Variants in NUP98 observed in about 807,000 individuals in gnomAD.
NUP98 encodes the protein nucleoporin 98 and 96 precursor, also known as nuclear pore complex protein Nup98-Nup96.
In NUP98, 26 loss-of-function variants were observed where a neutral mutation model predicts 191.9. The observed-to-expected ratio is 0.14, with a 90% confidence interval of 0.10 to 0.19. The LOEUF is 0.19. Among genes scored for constraint, NUP98 ranks in the 10% least tolerant of loss-of-function variants. The pLI is 1.00. For synonymous variants in NUP98, 808 were observed against 778.4 expected, an observed-to-expected ratio of 1.04 and a Z score of -0.63; for missense variants, 1,941 against 2,178.8, an observed-to-expected ratio of 0.89 and a Z score of 2.17.
Position 3,744,619 on chromosome 11 carries a change from CCAAA to C in NUP98, c.1294_1297del (p.Phe432GlyfsTer37). The C allele has an allele frequency of 6.2e-7, 1 of 1,612,964 alleles. No homozygotes were observed. The highest frequency in any genetic ancestry group is 8.5e-7 in the Non-Finnish European group (1 of 1,179,298). On this transcript the variant is annotated frameshift_variant, in exon 12 of 33. Coordinates refer to ENST00000324932, the MANE Select transcript of NUP98 (RefSeq NM_016320.5). LOFTEE classifies it high-confidence loss of function. ...CCCTCCAATCTTAGGTTGGTTGTTC[CCAAA>C]CAAAGATGCCTGTCCAGCACCAAGA... is the stretch of plus-strand genomic sequence containing the variant.
intron 7 of NUP98, among the ~76,000 whole-genome samples, chr11:3,769,317 T>C (rs1210504170): frequency 1.3e-5 from 2 of 152,040 alleles, no homozygotes; most frequent in Admixed American, 6.6e-5. Flanking sequence ...TCTTAGCTAC[T>C]TGGGAGACCG....
At position 3,676,860 on chromosome 11, in the gene NUP98, C is replaced by T. The variant is rs113120996; in HGVS notation, c.5074-240G>A. Reference sequence around the variant, plus strand: ...TGGACTAGGAAAAGTCTTGAGATCCCGAACTATACAGCAAGCTTTAATAAC... The same window carrying T: ...TGGACTAGGAAAAGTCTTGAGATCCTGAACTATACAGCAAGCTTTAATAAC... On this transcript the variant is annotated intron_variant, in intron 31 of 32. Coordinates refer to ENST00000324932, the MANE Select transcript of NUP98 (RefSeq NM_016320.5). 570 of 602,626 alleles carry T rather than the reference C, an allele frequency of 9.5e-4. 2 individuals carry two copies. The highest frequency in any genetic ancestry group is 9.3e-3 in the African/African-American group (507 of 54,454). The allele number at this position is 602,626 out of a possible 1,614,324, so 37.3% of individuals were successfully genotyped here. A position where few individuals can be genotyped will look rare whatever the true frequency, so the allele number is the denominator to read the frequency against.
At chr11:3,751,621 G>T (rs562884640) in intron 11 of NUP98, among the ~76,000 whole-genome samples, 1 of 152,130 alleles carries the variant, frequency 6.6e-6, no homozygotes, top group South Asian at 2.1e-4. Flanking sequence ...CACTTTAAGA[G>T]CTCAAGGCAG....
chr11:3,729,715 CAAAAAAAA>C (rs755816362), intron 14 of NUP98, among the ~76,000 whole-genome samples: 16 of 37,410 alleles, frequency 4.3e-4, no homozygotes, highest in Non-Finnish European at 7.0e-4. Flanking sequence ...ACTCTTGCCT[CAAAAAAAA>C]AAAAAAAAAA....
At chr11:3,769,879 T>C (rs2081467877) in intron 7 of NUP98, among the ~76,000 whole-genome samples, 1 of 151,612 alleles carries the variant, frequency 6.6e-6, no homozygotes, top group Admixed American at 6.6e-5. Context: ...CCATCTGTAC[T>C]AAAAATACAA....
At chr11:3,691,029 G>A (rs946144083) in intron 28 of NUP98, among the ~76,000 whole-genome samples, 5 of 152,112 alleles carry the variant, frequency 3.3e-5, no homozygotes, top group African/African-American at 9.7e-5. Context: ...TTGCAAAGGG[G>A]CACACAGGCA....
chr11:3,699,395 C>G (rs368354147), intron 24 of NUP98, 47 bp from the exon 25 acceptor site: 2 of 1,599,178 alleles, frequency 1.3e-6, no homozygotes, highest in Non-Finnish European at 1.7e-6. Flanking sequence ...AGTCTTACAA[C>G]AACTTCACAG....
chr11:3,752,188 A>G (rs1199223722), intron 11 of NUP98, among the ~76,000 whole-genome samples: 1 of 151,512 alleles, frequency 6.6e-6, no homozygotes, highest in African/African-American at 2.4e-5. Flanking sequence ...TAAAAACCAC[A>G]AAAGCAGATC....
chr11:3,703,028 C>G, intron 22 of NUP98, 136 bp from the exon 23 acceptor site: 2 of 712,910 alleles, frequency 2.8e-6, no homozygotes, highest in Non-Finnish European at 4.5e-6. Context: ...TGTGGATGAC[C>G]AGAAGCAGGC....
At position 3,787,058 on chromosome 11, in the gene NUP98, C is replaced by A. The variant is rs117908908; in HGVS notation, c.-28-4913G>T. ...CTCTCATCTAACCTTCACAAAAATA[C>A]TAGAAGAGCCAGGGATTATCACACA... is the stretch of plus-strand genomic sequence containing the variant. On this transcript the variant is annotated intron_variant, in intron 1 of 32. Coordinates refer to ENST00000324932, the MANE Select transcript of NUP98 (RefSeq NM_016320.5). 8.2e-3 allele frequency among the ~76,000 whole-genome samples: 1,241 copies of A among 152,252 alleles called. 14 individuals carry two copies. The highest frequency in any genetic ancestry group is 0.011 in the Non-Finnish European group (750 of 68,020).
In NUP98 at chr11:3,771,751, T is replaced by C; in HGVS notation, c.781A>G (p.Thr261Ala). 6.2e-7 allele frequency: 1 copy of C among 1,613,988 alleles called. No homozygotes were observed. The highest frequency in any genetic ancestry group is 1.1e-5 in the South Asian group (1 of 91,068). The stretch of plus-strand genomic sequence containing the variant: ...TAACATGATATCAAGTGCTTACTAG[T>C]TCCAAAGGCAGTTTTGTTCTGACCA... ...AYGQNKTAFG[T>A]STTGFGTNPG... is the part of the protein sequence containing the mutation. Residue 261 changes from threonine to alanine, a missense_variant, in exon 7 of 33, where the codon ACT (threonine) becomes GCT (alanine). This residue lies in a region of NUP98 where 181 missense variants were observed against 228.0 expected (regional missense o/e 0.79). Transcript: ENST00000324932.
rs746581454 is a variant in NUP98, at chr11:3,695,430, T to C, written c.4167+19A>G. ...ATGAAAAAACCAATGTGAGATATTA[T>C]GGTAAAAGTAGAAGATACCGGTTTT... On this transcript the variant is annotated intron_variant, in intron 26 of 32. Transcript: ENST00000324932. 5 of 1,510,750 alleles carry C rather than the reference T, an allele frequency of 3.3e-6. No homozygotes were observed. In the South Asian group the frequency reaches 3.9e-5, roughly 12 times the overall value. 93.6% of individuals were successfully genotyped at this position (1,510,750 alleles called of 1,614,324 possible). A position where few individuals can be genotyped will look rare whatever the true frequency, so the allele number is the denominator to read the frequency against.
chr11:3,756,562 A>G (rs542506677), intron 10 of NUP98, among the ~76,000 whole-genome samples: 1 of 152,002 alleles, frequency 6.6e-6, no homozygotes, highest in Non-Finnish European at 1.5e-5. Flanking sequence ...AGCTGGGATT[A>G]CAGGCATGCA....
intron 1 of NUP98, among the ~76,000 whole-genome samples, chr11:3,789,120 A>T (rs1375747002): frequency 3.3e-5 from 5 of 152,354 alleles, no homozygotes; most frequent in African/African-American, 1.2e-4. Context: ...TAGGGATTGT[A>T]CAGCCTACAC....
chr11:3,768,741 G>A lies in NUP98; in HGVS notation c.788C>T (p.Thr263Ile). ...GQNKTAFGTS[T>I]TGFGTNPGGL... Reference sequence around the variant, plus strand: ...ACCTGGATTTGTTCCAAATCCAGTTGTACCTTTTAGGAAAAAGAAAAAAAA... The same window carrying A: ...ACCTGGATTTGTTCCAAATCCAGTTATACCTTTTAGGAAAAAGAAAAAAAA... Residue 263 changes from threonine to isoleucine, a missense_variant, in exon 8 of 33, where the codon ACA becomes ATA. Coordinates refer to ENST00000324932, the MANE Select transcript of NUP98 (RefSeq NM_016320.5). The A allele has an allele frequency of 6.5e-7, 1 of 1,533,980 alleles. No individual in the cohort carries two copies. The highest frequency in any genetic ancestry group is 8.7e-7 in the Non-Finnish European group (1 of 1,143,282).
intron 12 of NUP98, among the ~76,000 whole-genome samples, chr11:3,739,622 A>G (rs1038113568): frequency 2.0e-5 from 3 of 152,160 alleles, no homozygotes; most frequent in African/African-American, 7.2e-5. Flanking sequence ...CGCTCTCTCC[A>G]AGACCTTATT....
At chr11:3,748,542 C>T (rs559667172) in intron 11 of NUP98, among the ~76,000 whole-genome samples, 6 of 152,242 alleles carry the variant, frequency 3.9e-5, no homozygotes, top group Admixed American at 3.3e-4. Flanking sequence ...AAACTTGTGG[C>T]CCAGCACAGT....
intron 25 of NUP98, among the ~76,000 whole-genome samples, chr11:3,698,787 G>C (rs1184081705): frequency 6.8e-6 from 1 of 146,948 alleles, no homozygotes; most frequent in Non-Finnish European, 1.5e-5. Context: ...AGGTGGGTGT[G>C]ATCTACCCAC....
chr11:3,785,490 G>A (rs781278164), intron 1 of NUP98, among the ~76,000 whole-genome samples: 3 of 152,168 alleles, frequency 2.0e-5, no homozygotes, highest in Non-Finnish European at 2.9e-5. Context: ...TGGATGCGGT[G>A]GCTCATGCCT....
Sources: allele counts gnomAD v4.1 joint callset (sites outside exome capture counted in the v4.1 genomes callset), GRCh38; gene constraint gnomAD v4.1.1; regional missense constraint gnomAD v4.1.1; transcripts MANE v1.5; gene names NCBI Gene and HGNC (gene_info 2026-07-23, HGNC 2026-07-21).